VPS13B: variants seen among roughly 807,000 people sequenced by gnomAD.
VPS13B encodes the protein vacuolar protein sorting 13 homolog B.
In VPS13B, 285 loss-of-function variants were observed where a neutral mutation model predicts 426.4. The observed-to-expected ratio is 0.67, with a 90% confidence interval of 0.61 to 0.74. VPS13B has a LOEUF of 0.74. VPS13B is among the 30% of genes least tolerant of loss of function. The pLI is 0.00. For missense variants in VPS13B, 4,537 were observed against 4,782.6 expected, an observed-to-expected ratio of 0.95 and a Z score of 1.51; for synonymous variants, 1,676 against 1,676.4, an observed-to-expected ratio of 1.00 and a Z score of 0.01.
At chr8:99,861,159 C>A (rs980302124) in intron 57 of VPS13B, among the ~76,000 whole-genome samples, 5 of 152,194 alleles carry the variant, frequency 3.3e-5, no homozygotes, top group African/African-American at 1.2e-4. Flanking sequence ...TTTAACCAAA[C>A]CTTGACAAAT....
intron 40 of VPS13B, among the ~76,000 whole-genome samples, chr8:99,768,951 G>C (rs574286212): frequency 6.6e-6 from 1 of 152,218 alleles, no homozygotes; most frequent in Admixed American, 6.5e-5. Context: ...ATGACTTCTT[G>C]ATTCTAATTA....
intron 33 of VPS13B, among the ~76,000 whole-genome samples, chr8:99,585,132 C>T (rs1396372278): frequency 2.6e-5 from 4 of 151,876 alleles, no homozygotes; most frequent in African/African-American, 7.3e-5. Context: ...TGAATAAAGA[C>T]GTGGAGGTTT....
intron 40 of VPS13B, among the ~76,000 whole-genome samples, chr8:99,770,457 T>TGACA (rs1677608702): frequency 6.6e-6 from 1 of 151,696 alleles, no homozygotes; most frequent in African/African-American, 2.4e-5. Context: ...AGTCAGGTTC[T>TGACA]GACAGGAAAC....
At chr8:99,096,683 G>C (rs1846439853) in intron 4 of VPS13B, among the ~76,000 whole-genome samples, 2 of 151,586 alleles carry the variant, frequency 1.3e-5, no homozygotes, top group Non-Finnish European at 2.9e-5. Context: ...TTGAACCTGG[G>C]AGGTGGGGGT....
chr8:99,023,680 C>T (rs181719874), intron 2 of VPS13B, among the ~76,000 whole-genome samples: 310 of 152,182 alleles, frequency 2.0e-3, no homozygotes, highest in Middle Eastern at 0.01. Context: ...AGGGTTTCAC[C>T]ATATTGGCCA....
chr8:99,585,329 G>A (rs1420249654), intron 33 of VPS13B, among the ~76,000 whole-genome samples: 1 of 152,122 alleles, frequency 6.6e-6, no homozygotes, highest in African/African-American at 2.4e-5. Flanking sequence ...AATGAAATTT[G>A]TTATGCTTAG....
In VPS13B at chr8:99,507,260, G is replaced by C. The variant is rs935716299; in HGVS notation, c.4224+57G>C. 3.2e-6 allele frequency: 5 copies of C among 1,554,794 alleles called. No homozygotes were observed. In the African/African-American group the frequency reaches 6.8e-5, roughly 21 times the overall value. On this transcript the variant is annotated intron_variant, in intron 28 of 61. Transcript: ENST00000357162. ...AAATGTACTTTAAACTGTTTATCTTGTTATTTCATAAAATAGGACTAATGG... is the reference window on the plus strand; with the variant it reads ...AAATGTACTTTAAACTGTTTATCTTCTTATTTCATAAAATAGGACTAATGG...
intron 40 of VPS13B, among the ~76,000 whole-genome samples, chr8:99,767,171 T>C (rs1206076633): frequency 6.6e-6 from 1 of 152,056 alleles, no homozygotes; most frequent in Non-Finnish European, 1.5e-5. Context: ...TTTTTACTCA[T>C]AATACAGCTC....
At chr8:99,747,132 C>G (rs1446885590) in intron 39 of VPS13B, among the ~76,000 whole-genome samples, 1 of 152,012 alleles carries the variant, frequency 6.6e-6, no homozygotes, top group Non-Finnish European at 1.5e-5. Flanking sequence ...GATTCTCACA[C>G]TAATGAATTG....
intron 33 of VPS13B, among the ~76,000 whole-genome samples, chr8:99,631,667 T>C (rs146847657): frequency 5.3e-5 from 8 of 152,080 alleles, no homozygotes; most frequent in African/African-American, 1.7e-4. Context: ...CCTGTCTTTC[T>C]CTCATAATAC....
intron 40 of VPS13B, among the ~76,000 whole-genome samples, chr8:99,771,423 C>A (rs980454736): frequency 6.6e-6 from 1 of 152,142 alleles, no homozygotes; most frequent in African/African-American, 2.4e-5. Flanking sequence ...AAACCTCTGG[C>A]GAGTTGTATA....
At chr8:99,866,981 AC>A (rs1817141030) in intron 58 of VPS13B, among the ~76,000 whole-genome samples, 1 of 152,248 alleles carries the variant, frequency 6.6e-6, no homozygotes, top group Non-Finnish European at 1.5e-5. Context: ...GTTTGGCAGC[AC>A]GACTCTAGGC....
At chr8:99,423,437 T>G (rs11996968) in intron 21 of VPS13B, among the ~76,000 whole-genome samples, 9,655 of 151,340 alleles carry the variant, frequency 0.064, 334 homozygotes, top group South Asian at 0.098. Flanking sequence ...TTTTTTTTTT[T>G]TTGTATTTTT....
At chr8:99,237,245 T>G (rs1238779263) in intron 17 of VPS13B, among the ~76,000 whole-genome samples, 2 of 152,218 alleles carry the variant, frequency 1.3e-5, no homozygotes, top group Non-Finnish European at 2.9e-5. Flanking sequence ...ACCTTAACTT[T>G]TGAAGTAAAT....
chr8:99,391,572 G>C lies in VPS13B; in HGVS notation c.2950G>C (p.Val984Leu), dbSNP rs148422160. Residue 984 changes from valine to leucine, a missense_variant, in exon 21 of 62, where the codon GTT (valine) becomes CTT (leucine). Physicochemically the swap from Val to Leu is conservative, Grantham distance 32. Around this residue, in one of 2 missense-constraint regions of VPS13B, gnomAD observed 4,311 missense variants for 4,474.3 expected, o/e 0.96. Coordinates refer to ENST00000357162, the MANE Select transcript of VPS13B (RefSeq NM_152564.5). Reference sequence around the variant, plus strand: ...CTCTTTCCAGCAGCCTGTGGTAGCTGTTCCTCTTGTTATGCCAGTTTGTAG... The same window carrying C: ...CTCTTTCCAGCAGCCTGTGGTAGCTCTTCCTCTTGTTATGCCAGTTTGTAG... ...RHMQQQPVVA[V>L]PLVMPVCRRK... 72 of 1,614,156 alleles carry C rather than the reference G, an allele frequency of 4.5e-5. No individual in the cohort carries two copies. Among genetic ancestry groups the C allele is most frequent in the Admixed American group, 3.3e-5 (2 of 60,012 alleles).
intron 21 of VPS13B, among the ~76,000 whole-genome samples, chr8:99,399,375 T>G (rs1016005276): frequency 3.9e-5 from 6 of 152,188 alleles, no homozygotes; most frequent in Non-Finnish European, 7.4e-5. Context: ...ATCAGCATAA[T>G]TTATAATTAG....
chr8:99,739,286 G>A lies in VPS13B; in HGVS notation c.7050+18239G>A, dbSNP rs189872024. 5.0e-3 allele frequency among the ~76,000 whole-genome samples: 756 copies of A among 152,324 alleles called. 5 individuals carry two copies. The highest frequency in any genetic ancestry group is 0.017 in the African/African-American group (705 of 41,588). ...CAGTGAGGCTGGGGGAGGGGCGCCC[G>A]CCATTGCTGAGGCTTGAGTAGGTAA... On this transcript the variant is annotated intron_variant, in intron 39 of 61. Coordinates refer to ENST00000357162, the MANE Select transcript of VPS13B (RefSeq NM_152564.5).
At position 99,828,406 on chromosome 8, in the gene VPS13B, T is replaced by TGC. The variant is rs1563495283; in HGVS notation, c.9331-3963_9331-3962insGC. Among the ~76,000 whole-genome samples, 45 of 43,132 alleles carry TGC rather than the reference T, an allele frequency of 1.0e-3. 5 individuals are homozygous for TGC. Among genetic ancestry groups the TGC allele is most frequent in the African/African-American group, 3.1e-3 (34 of 10,986 alleles). 28.3% of individuals were successfully genotyped at this position (43,132 alleles called of 152,430 possible). A position where few individuals can be genotyped will look rare whatever the true frequency, so the allele number is the denominator to read the frequency against. The stretch of plus-strand genomic sequence containing the variant: ...GATTACAACCACCGTTTTTTTTTTT[T>TGC]TTTTTTTTTTTTTTTTTTTTTTTTT... On this transcript the variant is annotated intron_variant, in intron 51 of 61. Coordinates refer to ENST00000357162, the MANE Select transcript of VPS13B (RefSeq NM_152564.5).
At chr8:99,650,744 C>T (rs1033407384) in intron 34 of VPS13B, among the ~76,000 whole-genome samples, 2 of 152,136 alleles carry the variant, frequency 1.3e-5, no homozygotes, top group African/African-American at 4.8e-5. Context: ...TTTCAGACCA[C>T]AGGTAATTGC....
Sources: allele counts gnomAD v4.1 joint callset (sites outside exome capture counted in the v4.1 genomes callset), GRCh38; gene constraint gnomAD v4.1.1; regional missense constraint gnomAD v4.1.1; transcripts MANE v1.5; gene names NCBI Gene and HGNC (gene_info 2026-07-23, HGNC 2026-07-21).